The following CDK13 variants were observed in gnomAD, a reference collection of about 807,000 sequenced individuals.
CDK13 encodes cyclin-dependent kinase 13.
A neutral mutation model predicts 137.6 loss-of-function variants in CDK13; 40 were observed. The observed-to-expected ratio is 0.29, with a 90% confidence interval of 0.23 to 0.38. CDK13 has a LOEUF of 0.38. CDK13 is among the 10% of genes least tolerant of loss of function. The pLI is 1.00. For synonymous variants in CDK13, 869 were observed against 760.1 expected (o/e 1.14, Z -2.36); for missense variants, 1,704 against 1,951.8 (o/e 0.87, Z 2.39).
At chr7:39,965,638 G>T (rs569016829) in intron 1 of CDK13, among the ~76,000 whole-genome samples, 1 of 152,304 alleles carries the variant, frequency 6.6e-6, no homozygotes, top group East Asian at 1.9e-4. Flanking sequence ...TTATTGTTGT[G>T]TGTGAATTTG....
rs550152117 is a variant in CDK13 at position 39,965,840 on chromosome 7, T to TGAG, written c.1211+13988_1211+13989insGAG. ...GGTGACAAAATCTCTCAGCATTTGC[T>TGAG]TGTCTGTTAAGGATTTTATTTCTCC... On this transcript the variant is annotated intron_variant, in intron 1 of 13. Transcript: ENST00000181839. Among the ~76,000 whole-genome samples, 41 of 152,324 alleles carry TGAG rather than the reference T, an allele frequency of 2.7e-4. No individual in the cohort carries two copies. The East Asian group carries it at 7.5e-3, about 28-fold the overall frequency.
Position 40,092,885 on chromosome 7 carries a change from A to G in CDK13, c.3336A>G (p.Gln1112=), listed in dbSNP as rs772118563. 6 of 1,614,216 alleles carry G rather than the reference A, an allele frequency of 3.7e-6. No individual in the cohort carries two copies. The South Asian group carries it at 4.4e-5, about 12-fold the overall frequency. ...KTSVNMADFV[Q]VLNIKVNSET... is the part of the protein sequence containing the mutation. ...GTGTTAATATGGCTGATTTTGTCCA[A>G]GTGTTGAACATTAAGGTAAACTCTG... Residue 1112 remains glutamine, a synonymous_variant, in exon 13 of 14, where the codon CAA becomes CAG. Transcript: ENST00000181839.
At chr7:40,016,479 T>C (rs1386992386) in intron 5 of CDK13, among the ~76,000 whole-genome samples, 1 of 152,210 alleles carries the variant, frequency 6.6e-6, no homozygotes, top group African/African-American at 2.4e-5. Flanking sequence ...TAGTAGTTGA[T>C]CCATCATACA....
Position 40,078,844 on chromosome 7 carries a change from CCA to C in CDK13, c.3024_3025del (p.Pro1009ArgfsTer10). On this transcript the variant is annotated frameshift_variant, in exon 11 of 14. Transcript: ENST00000181839. LOFTEE classifies it high-confidence loss of function. ...LRDVEPSKMPPPDLPLWQDCH... is the reference protein window; with the variant it reads ...LRDVEPSKMPXPDLPLWQDCH... ...AGATGTGGAACCCTCAAAAATGCCT[CCA>C]CCAGAGTAAGTGACTTTTTATCCTA... 7.0e-7 allele frequency: 1 copy of C among 1,420,650 alleles called. No homozygotes were observed. The highest frequency in any genetic ancestry group is 9.3e-7 in the Non-Finnish European group (1 of 1,075,102). 88.0% of individuals were successfully genotyped at this position (1,420,650 alleles called of 1,614,324 possible). A position where few individuals can be genotyped will look rare whatever the true frequency, so the allele number is the denominator to read the frequency against.
chr7:40,070,049 C>G (rs1156569684), intron 9 of CDK13: 1 of 141,692 alleles, frequency 7.1e-6, no homozygotes, highest in Non-Finnish European at 1.5e-5. Context: ...GGTGAAACCC[C>G]GTCTCTACCA....
intron 1 of CDK13, 94 bp downstream of exon 1, chr7:39,951,946 C>G (rs1787234926): frequency 2.4e-6 from 3 of 1,239,104 alleles, no homozygotes; most frequent in Admixed American, 3.4e-5. Flanking sequence ...CAGAACGACT[C>G]AGGTCCACCA....
At chr7:39,963,883 G>A (rs1783808098) in intron 1 of CDK13, among the ~76,000 whole-genome samples, 1 of 152,116 alleles carries the variant, frequency 6.6e-6, no homozygotes, top group Non-Finnish European at 1.5e-5. Context: ...ATAATCATAT[G>A]GTTTTTGTCA....
At chr7:40,072,838 G>C (rs371018032) in intron 9 of CDK13, 9 of 152,182 alleles carry the variant, frequency 5.9e-5, no homozygotes, top group East Asian at 5.8e-4. Flanking sequence ...TATGTATTAG[G>C]AAGTCTGTTG....
chr7:40,040,168 C>T (rs865815524), intron 5 of CDK13, among the ~76,000 whole-genome samples: 1 of 152,112 alleles, frequency 6.6e-6, no homozygotes, highest in African/African-American at 2.4e-5. Flanking sequence ...CCCACCACCA[C>T]ACCTGGCTAA....
intron 1 of CDK13, among the ~76,000 whole-genome samples, chr7:39,958,463 T>G (rs1343349679): frequency 2.0e-5 from 3 of 152,214 alleles, no homozygotes; most frequent in African/African-American, 7.2e-5. Flanking sequence ...TCCAGCTACC[T>G]GATGAGATGA....
rs1455736979 is a variant in CDK13 at position 39,950,790 on chromosome 7, A to AACCGCCGCCGCC, written c.150_161dup (p.Pro54_Pro57dup). 7 of 1,465,828 alleles carry AACCGCCGCCGCC rather than the reference A, an allele frequency of 4.8e-6. No homozygotes were observed. Among genetic ancestry groups the AACCGCCGCCGCC allele is most frequent in the Non-Finnish European group, 6.3e-6 (7 of 1,116,012 alleles). The allele number at this position is 1,465,828 out of a possible 1,614,324, so 90.8% of individuals were successfully genotyped here. On this transcript the variant is annotated inframe_insertion, in exon 1 of 14. Coordinates refer to ENST00000181839, the MANE Select transcript of CDK13 (RefSeq NM_003718.5). ...CCGCTCCTGCAGCCGCAGCTCCTGC[A>AACCGCCGCCGCC]ACCGCCGCCGCCCCCGCCGCCTCTG...
intron 1 of CDK13, chr7:39,986,942 C>T (rs1034875793): frequency 1.3e-5 from 2 of 152,156 alleles, no homozygotes; most frequent in African/African-American, 4.8e-5. Context: ...CGTGTGCCAC[C>T]ATGCCGGGCT....
chr7:39,981,388 T>C (rs1195788798), intron 1 of CDK13, among the ~76,000 whole-genome samples: 1 of 135,854 alleles, frequency 7.4e-6, no homozygotes, highest in East Asian at 2.3e-4. Flanking sequence ...AAAAAAATTA[T>C]CTATTAAACA....
intron 1 of CDK13, among the ~76,000 whole-genome samples, chr7:39,967,505 A>T (rs1783898596): frequency 6.6e-6 from 1 of 152,118 alleles, no homozygotes; most frequent in South Asian, 2.1e-4. Context: ...AACAATGGAC[A>T]CCTAGGTTGC....
chr7:40,085,206 C>T (rs533866632), intron 11 of CDK13, among the ~76,000 whole-genome samples: 23 of 151,986 alleles, frequency 1.5e-4, no homozygotes, highest in African/African-American at 5.1e-4. Context: ...ACTAAAAATA[C>T]GAAAATTAGC....
rs1787139949 is a variant in CDK13, at chr7:39,950,863, C to G, written c.222C>G (p.Ala74=). The G allele has an allele frequency of 1.5e-6, 2 of 1,368,078 alleles. No homozygotes were observed. Among genetic ancestry groups the G allele is most frequent in the Non-Finnish European group, 1.9e-6 (2 of 1,071,572 alleles). 84.7% of individuals were successfully genotyped at this position (1,368,078 alleles called of 1,614,324 possible). The change falls in exon 1 of 14, where the codon GCC becomes GCG. Residue 74 remains alanine (A), a synonymous_variant. Transcript: ENST00000181839. ...PGTAAAAAAA[A]AASSSCFSPG... ...CGGCCGCCGCCGCAGCCGCCGCCGCCGCGGCCTCCTCCTCTTGCTTCAGCC... is the reference window on the plus strand; with the variant it reads ...CGGCCGCCGCCGCAGCCGCCGCCGCGGCGGCCTCCTCCTCTTGCTTCAGCC...
At chr7:40,082,070 T>C (rs1401285898) in intron 11 of CDK13, among the ~76,000 whole-genome samples, 7 of 152,252 alleles carry the variant, frequency 4.6e-5, no homozygotes, top group Admixed American at 3.9e-4. Flanking sequence ...TGAATTCCAA[T>C]TTTATTTTTT....
At chr7:40,092,135 A>G (rs1431744221) in intron 12 of CDK13, 2 of 152,236 alleles carry the variant, frequency 1.3e-5, no homozygotes, top group Non-Finnish European at 2.9e-5. Context: ...ATTTGAAGAA[A>G]AACACAGGCA....
intron 6 of CDK13, among the ~76,000 whole-genome samples, chr7:40,047,055 G>A (rs1488434336): frequency 1.3e-5 from 2 of 148,816 alleles, no homozygotes; most frequent in East Asian, 3.9e-4. Context: ...AGTCTGTAAT[G>A]CATATAAAAT....
Sources: gnomAD v4.1 joint callset for allele counts (sites outside exome capture counted in the v4.1 genomes callset) on GRCh38, gnomAD v4.1.1 for gene constraint, MANE v1.5 for transcripts, NCBI Gene and HGNC (gene_info 2026-07-23, HGNC 2026-07-21) for gene names.